The following GPHN variants were observed in gnomAD, a reference collection of about 807,000 sequenced individuals.
The protein encoded by GPHN is gephyrin.
In GPHN, 17 loss-of-function variants were observed where a neutral mutation model predicts 95.5. The observed-to-expected ratio is 0.18, with a 90% CI of 0.12 to 0.27. GPHN has a LOEUF of 0.27. GPHN is among the 10% of genes least tolerant of loss of function. GPHN has a pLI of 1.00. For missense variants in GPHN, 660 were observed against 978.1 expected (o/e 0.67, Z 4.34); for synonymous variants, 320 against 322.5 (o/e 0.99, Z 0.08).
At chr14:67,385,510 C>T in the GPHN span, 1 of 151,694 alleles carries the variant, frequency 6.6e-6, no homozygotes, top group South Asian at 2.1e-4. Context: ...ACAATTTCAT[C>T]TACTCCCTAC....
the GPHN span, among the ~76,000 whole-genome samples, chr14:67,426,653 G>A: frequency 3.9e-4 from 59 of 152,194 alleles, no homozygotes; most frequent in Non-Finnish European, 6.8e-4. Context: ...TTGGCTCACC[G>A]CAACCTCCGC....
the GPHN span, chr14:67,727,028 G>A: frequency 6.2e-7 from 1 of 1,613,606 alleles, no homozygotes; most frequent in African/African-American, 1.3e-5. Context: ...AAAGGTGTCT[G>A]CCCCTGCACG....
chr14:66,686,902 A>G (rs113120274), intron 2 of GPHN, among the ~76,000 whole-genome samples: 29 of 151,966 alleles, frequency 1.9e-4, no homozygotes, highest in Non-Finnish European at 4.1e-4. Flanking sequence ...ATAAATAGCT[A>G]TTATTGTTTT....
the GPHN span, among the ~76,000 whole-genome samples, chr14:67,402,134 AAAC>A: frequency 7.2e-5 from 11 of 152,170 alleles, no homozygotes; most frequent in African/African-American, 2.2e-4. Flanking sequence ...AGTCCATCTC[AAAC>A]AACAACAACA....
chr14:66,553,181 G>A lies in GPHN; in HGVS notation c.64+44590G>A, dbSNP rs565900622. ...ATTTTTTCTATTTTTATTAGAGAAGGGGTTTTACCACATTGGCCAGGCTGG... is the reference window on the plus strand; with the variant it reads ...ATTTTTTCTATTTTTATTAGAGAAGAGGTTTTACCACATTGGCCAGGCTGG... On this transcript the variant is annotated intron_variant, in intron 1 of 22. Transcript: ENST00000478722. Among the ~76,000 whole-genome samples, 4 of 151,992 alleles carry A rather than the reference G, an allele frequency of 2.6e-5. No homozygotes were observed. In the South Asian group the frequency reaches 8.3e-4, roughly 32 times the overall value.
intron 5 of GPHN, among the ~76,000 whole-genome samples, chr14:66,884,344 A>G (rs112602556): frequency 0.015 from 2,299 of 152,200 alleles, 32 homozygotes; most frequent in Non-Finnish European, 0.018. Flanking sequence ...TGTGTACTCT[A>G]TAAACAATCG....
intron 3 of GPHN, among the ~76,000 whole-genome samples, chr14:66,802,531 T>A (rs2060396108): frequency 6.6e-6 from 1 of 151,868 alleles, no homozygotes; most frequent in Admixed American, 6.6e-5. Flanking sequence ...GCAGAAGGAG[T>A]TTTGCCCCAT....
intron 12 of GPHN, among the ~76,000 whole-genome samples, chr14:67,100,305 G>T (rs2077625225): frequency 1.3e-5 from 2 of 152,062 alleles, no homozygotes. Context: ...ATTTCCTTCA[G>T]CTGTCAAATG....
chr14:66,972,782 AC>A (rs1291858291), intron 9 of GPHN, among the ~76,000 whole-genome samples: 2 of 152,164 alleles, frequency 1.3e-5, no homozygotes, highest in Admixed American at 1.3e-4. Context: ...TATTAAATTT[AC>A]TATGTCATTG....
the GPHN span, chr14:67,312,787 C>A: frequency 8.9e-7 from 1 of 1,122,060 alleles, no homozygotes; most frequent in South Asian, 2.6e-5. Flanking sequence ...GAAAAACTCA[C>A]TCTTTCATGC....
At chr14:66,772,760 A>C (rs2059227454) in intron 2 of GPHN, among the ~76,000 whole-genome samples, 1 of 152,188 alleles carries the variant, frequency 6.6e-6, no homozygotes, top group South Asian at 2.1e-4. Flanking sequence ...AAATCAAAGA[A>C]TTTTTAGAAG....
chr14:67,351,806 TCACCA>T, the GPHN span, among the ~76,000 whole-genome samples: 2 of 151,154 alleles, frequency 1.3e-5, no homozygotes, highest in Non-Finnish European at 2.9e-5. Flanking sequence ...CAGGCATGAG[TCACCA>T]CACCTAGTAT....
the GPHN span, among the ~76,000 whole-genome samples, chr14:67,626,754 C>G: frequency 6.6e-6 from 1 of 152,178 alleles, no homozygotes; most frequent in Non-Finnish European, 1.5e-5. Context: ...GCCATTGCAC[C>G]TGGCCACACA....
chr14:66,922,666 GA>G lies in GPHN; in HGVS notation c.459del (p.Glu153AspfsTer22). On this transcript the variant is annotated frameshift_variant and splice_region_variant, in exon 7 of 23. Coordinates refer to ENST00000478722, the MANE Select transcript of GPHN (RefSeq NM_020806.5). LOFTEE classifies it high-confidence loss of function. ...NLPGSKKGSQ[E>X]CFQFILPALP... The stretch of plus-strand genomic sequence containing the variant: ...TTTTTTTTCTTTCTCTTGCATACAG[GA>G]ATGCTTTCAATTCATACTGCCAGCT... 6.2e-7 allele frequency: 1 copy of G among 1,609,832 alleles called. No individual in the cohort carries two copies. The highest frequency in any genetic ancestry group is 8.5e-7 in the Non-Finnish European group (1 of 1,177,042).
chr14:67,165,325 G>C (rs2082211718), intron 20 of GPHN, 99 bp downstream of exon 20: 1 of 768,212 alleles, frequency 1.3e-6, no homozygotes, highest in Admixed American at 1.9e-5. Context: ...TGAAAGACCT[G>C]GGCTCAAGTC....
chr14:67,367,308 G>A, the GPHN span, among the ~76,000 whole-genome samples: 2 of 152,190 alleles, frequency 1.3e-5, no homozygotes, highest in African/African-American at 2.4e-5. Flanking sequence ...TTGGCTCACT[G>A]CAACCTCCGA....
chr14:67,472,795 G>C, the GPHN span: 1 of 153,910 alleles, frequency 6.5e-6, no homozygotes, highest in Non-Finnish European at 1.4e-5. Flanking sequence ...AGGTTGGTGG[G>C]AATCCAGCAC....
intron 4 of GPHN, among the ~76,000 whole-genome samples, chr14:66,838,147 T>G (rs1478286992): frequency 2.6e-5 from 4 of 152,172 alleles, no homozygotes; most frequent in East Asian, 1.9e-4. Context: ...TGCAACCCCA[T>G]GCAATTTACT....
chr14:66,960,557 A>G (rs1261936792), intron 8 of GPHN, among the ~76,000 whole-genome samples: 1 of 152,064 alleles, frequency 6.6e-6, no homozygotes, highest in Non-Finnish European at 1.5e-5. Context: ...GTGATTTGAC[A>G]GGTATTTCCT....
Sources: allele counts gnomAD v4.1 joint callset (sites outside exome capture counted in the v4.1 genomes callset), GRCh38; gene constraint gnomAD v4.1.1; transcripts MANE v1.5; gene names NCBI Gene and HGNC (gene_info 2026-07-23, HGNC 2026-07-21).